The following XPA variants were observed in gnomAD, a reference collection of about 807,000 sequenced individuals.
The protein encoded by XPA is XPA, DNA damage recognition and repair factor.
In XPA, 27 loss-of-function variants were observed where a neutral mutation model predicts 35.7. The observed-to-expected ratio is 0.76, with a 90% CI of 0.56 to 1.04. The LOEUF (loss-of-function observed/expected upper bound fraction) is 1.04, where lower values mean the gene tolerates loss of function less well. Among genes scored for constraint, XPA ranks in the 50% least tolerant of loss-of-function variants. The pLI, the probability that XPA is intolerant of heterozygous loss-of-function variation, is 0.00. For synonymous variants in XPA, 133 were observed against 118.4 expected (o/e 1.12, Z -0.80); for missense variants, 354 against 342.7 (o/e 1.03, Z -0.26).
intron 1 of XPA, among the ~76,000 whole-genome samples, chr9:97,695,314 A>G (rs1180528212): frequency 6.6e-6 from 1 of 152,206 alleles, no homozygotes; most frequent in Non-Finnish European, 1.5e-5. Flanking sequence ...ATTAGATTAT[A>G]AACTTGTTTC....
chr9:97,685,101 A>G (rs878938880), intron 4 of XPA, 61 bp from the exon 5 acceptor site: 44 of 1,384,402 alleles, frequency 3.2e-5, no homozygotes, highest in Admixed American at 6.8e-5. Flanking sequence ...TATTATAGTT[A>G]TAACTGTCAA....
chr9:97,689,687 A>AAT, intron 2 of XPA, 48 bp from the exon 3 acceptor site: 1 of 1,116,646 alleles, frequency 9.0e-7, no homozygotes, highest in Non-Finnish European at 1.3e-6. Context: ...TGACTAGAAC[A>AAT]ATATATTTTC....
At chr9:97,663,453 A>T in the XPA span, among the ~76,000 whole-genome samples, 1 of 152,162 alleles carries the variant, frequency 6.6e-6, no homozygotes, top group East Asian at 1.9e-4. Context: ...CATTGAAATT[A>T]TGTATTTTTT....
At chr9:97,692,973 T>C (rs978200894) in intron 2 of XPA, among the ~76,000 whole-genome samples, 5 of 150,912 alleles carry the variant, frequency 3.3e-5, no homozygotes, top group African/African-American at 9.7e-5. Context: ...TAGACACACA[T>C]AGATCAAAGC....
At chr9:97,686,108 G>T (rs978894274) in intron 4 of XPA, among the ~76,000 whole-genome samples, 2 of 152,186 alleles carry the variant, frequency 1.3e-5, no homozygotes, top group African/African-American at 4.8e-5. Flanking sequence ...ATGAAATTCA[G>T]TACACGTTTT....
chr9:97,681,689 C>T (rs997369774), intron 5 of XPA, among the ~76,000 whole-genome samples: 67 of 152,206 alleles, frequency 4.4e-4, no homozygotes, highest in African/African-American at 1.4e-3. Context: ...ACCAGCTGAA[C>T]GTTCCCATCT....
chr9:97,691,910 T>C (rs1278198452), intron 2 of XPA, among the ~76,000 whole-genome samples: 2 of 146,858 alleles, frequency 1.4e-5, no homozygotes, highest in Non-Finnish European at 3.0e-5. Context: ...TATATATATA[T>C]ATATATGTAA....
chr9:97,666,999 A>C, the XPA span: 510 of 721,376 alleles, frequency 7.1e-4, 9 homozygotes, highest in East Asian at 0.013. Context: ...TGCAGAGCAG[A>C]AATTTTTCTG....
intron 5 of XPA, among the ~76,000 whole-genome samples, chr9:97,679,470 C>G (rs1828471340): frequency 6.6e-6 from 1 of 152,016 alleles, no homozygotes; most frequent in South Asian, 2.1e-4. Context: ...TGGACAATTT[C>G]AACACCAAAA....
the XPA span, chr9:97,661,203 C>T: frequency 1.0e-6 from 1 of 996,234 alleles, no homozygotes; most frequent in Non-Finnish European, 1.4e-6. Flanking sequence ...TTGTTCTTAG[C>T]ACCCCAGGTA....
intron 5 of XPA, among the ~76,000 whole-genome samples, chr9:97,682,902 T>TA (rs978037756): frequency 6.6e-6 from 1 of 152,128 alleles, no homozygotes; most frequent in Non-Finnish European, 1.5e-5. Context: ...GAATTCTTAT[T>TA]AAAAAAAGCA....
At chr9:97,670,986 T>A (rs150946695), downstream of XPA, 1,069 of 672,298 alleles carry the variant, frequency 1.6e-3, 7 homozygotes, top group African/African-American at 0.018. Context: ...CTTCCTCTTT[T>A]CATCATTCTG....
rs943985808 is a variant in XPA at position 97,692,585 on chromosome 9, T to C, written c.283+1064A>G. Among the ~76,000 whole-genome samples the C allele has an allele frequency of 2.0e-5, 3 of 152,302 alleles. No homozygotes were observed. The East Asian group carries it at 5.8e-4, about 29-fold the overall frequency. On this transcript the variant is annotated intron_variant, in intron 2 of 5. Coordinates refer to ENST00000375128, the MANE Select transcript of XPA (RefSeq NM_000380.4). ...AGAGAAAGTGTGGTAGAAATACCAA[T>C]TAGGAAGCTATTACATAGCATTATT...
At position 97,697,338 on chromosome 9, in the gene XPA, A is replaced by G; in HGVS notation, c.-46T>C. ...CTAGCTCCCAGCTCCACGCACGCGC[A>G]CTGCACGCCGAGGCGAGCCAGCCGC... On this transcript the variant is annotated 5_prime_UTR_variant, in exon 1 of 6. Transcript: ENST00000375128. 6.3e-7 allele frequency: 1 copy of G among 1,594,534 alleles called. No individual in the cohort carries two copies. Among genetic ancestry groups the G allele is most frequent in the Non-Finnish European group, 8.5e-7 (1 of 1,178,252 alleles).
chr9:97,680,360 C>A (rs1278470287), intron 5 of XPA, among the ~76,000 whole-genome samples: 1 of 152,092 alleles, frequency 6.6e-6, no homozygotes, highest in African/African-American at 2.4e-5. Flanking sequence ...AGGCACACAC[C>A]ATCATGCCCA....
At chr9:97,663,292 GT>G in the XPA span, among the ~76,000 whole-genome samples, 10 of 152,208 alleles carry the variant, frequency 6.6e-5, no homozygotes, top group African/African-American at 2.4e-4. Flanking sequence ...TCAGGAAAAG[GT>G]TTATCTAGTC....
rs1828303663 is a variant in XPA, at chr9:97,674,958, G to A, written c.*481C>T. 1 of 520,540 alleles carries A rather than the reference G, an allele frequency of 1.9e-6. No individual in the cohort carries two copies. Among genetic ancestry groups the A allele is most frequent in the Non-Finnish European group, 3.7e-6 (1 of 267,722 alleles). 32.2% of individuals were successfully genotyped at this position (520,540 alleles called of 1,614,324 possible). On this transcript the variant is annotated 3_prime_UTR_variant, in exon 6 of 6. Transcript: ENST00000375128. ...ATTTCTGCTATTAGGGCTTTTTCCAGCAGTAGTTCCCCACTGTTTCCACCA... is the reference window on the plus strand; with the variant it reads ...ATTTCTGCTATTAGGGCTTTTTCCAACAGTAGTTCCCCACTGTTTCCACCA...
chr9:97,670,748 A>G (rs1284695464), downstream of XPA, among the ~76,000 whole-genome samples: 4 of 152,196 alleles, frequency 2.6e-5, no homozygotes, highest in African/African-American at 4.8e-5. Context: ...ACAATGTATT[A>G]TGCCCTGACT....
downstream of XPA, among the ~76,000 whole-genome samples, chr9:97,670,274 C>T (rs1317108971): frequency 6.6e-6 from 1 of 152,004 alleles, no homozygotes; most frequent in African/African-American, 2.4e-5. Context: ...ATGTAGAGGA[C>T]AAAAATATCA....
Sources: gnomAD v4.1 joint callset for allele counts (sites outside exome capture counted in the v4.1 genomes callset) on GRCh38, gnomAD v4.1.1 for gene constraint, MANE v1.5 for transcripts, NCBI Gene and HGNC (gene_info 2026-07-23, HGNC 2026-07-21) for gene names.